VRK1: variants seen among roughly 807,000 people sequenced by gnomAD.
The protein encoded by VRK1 is VRK serine/threonine kinase 1.
A neutral mutation model predicts 57.1 loss-of-function variants in VRK1; 33 were observed. The observed-to-expected ratio is 0.58, with a 90% CI of 0.44 to 0.77. VRK1 has a LOEUF of 0.77. Ranked by LOEUF, VRK1 falls within the 30% of genes least tolerant of loss-of-function variation. The pLI, the probability that VRK1 is intolerant of heterozygous loss-of-function variation, is 0.00. For missense variants in VRK1, 413 were observed against 477.3 expected, an observed-to-expected ratio of 0.87 and a Z score of 1.25; for synonymous variants, 137 against 147.8, an observed-to-expected ratio of 0.93 and a Z score of 0.53.
intron 1 of VRK1, among the ~76,000 whole-genome samples, chr14:96,811,755 A>G (rs78470823): frequency 7.1e-6 from 1 of 140,672 alleles, no homozygotes; most frequent in African/African-American, 2.7e-5. Context: ...TTGCTATCAC[A>G]TTTTCCCTCT....
chr14:96,798,694 C>T (rs1301429680), intron 1 of VRK1, among the ~76,000 whole-genome samples: 1 of 152,054 alleles, frequency 6.6e-6, no homozygotes, highest in African/African-American at 2.4e-5. Context: ...TTATGACATG[C>T]TGAGCATGAT....
chr14:96,853,174 T>C lies in VRK1; in HGVS notation c.576+8T>C, dbSNP rs368495945. The stretch of plus-strand genomic sequence containing the variant: ...TACAAGAATCCTGACCAGGTAGTTT[T>C]ATAACTTTAATTTCTACTATTTAAA... On this transcript the variant is annotated splice_region_variant and intron_variant, in intron 7 of 12. Transcript: ENST00000216639. The C allele has an allele frequency of 8.7e-5, 140 of 1,609,976 alleles. No individual in the cohort carries two copies. The highest frequency in any genetic ancestry group is 8.3e-4 in the Middle Eastern group (5 of 6,052).
chr14:96,830,305 T>G (rs1886953673), intron 1 of VRK1, among the ~76,000 whole-genome samples: 1 of 152,148 alleles, frequency 6.6e-6, no homozygotes, highest in Non-Finnish European at 1.5e-5. Flanking sequence ...GTTCCCTTGC[T>G]TTGATTTTCT....
intron 11 of VRK1, 65 bp downstream of exon 11, chr14:96,860,800 G>T: frequency 6.4e-7 from 1 of 1,553,974 alleles, no homozygotes; most frequent in Non-Finnish European, 8.8e-7. Context: ...AATACTAAAA[G>T]AAAGTATAGC....
chr14:96,847,402 T>C, intron 5 of VRK1, 58 bp downstream of exon 5: 16 of 1,418,696 alleles, frequency 1.1e-5, no homozygotes, highest in Non-Finnish European at 1.6e-5. Flanking sequence ...ACTATTTAGT[T>C]GGTTTAGTCA....
In VRK1 at chr14:96,881,061, A is replaced by C. The variant is rs986652306; in HGVS notation, c.1160-116A>C. On this transcript the variant is annotated intron_variant, in intron 12 of 12. Coordinates refer to ENST00000216639, the MANE Select transcript of VRK1 (RefSeq NM_003384.3). ...GTCAGTTTTATCTTTGCAAATCACG[A>C]GAGTCGATTTGATTTTAAAATGTTA... The C allele has an allele frequency of 3.7e-5, 34 of 908,826 alleles. No homozygotes were observed. The African/African-American group carries it at 4.9e-4, about 13-fold the overall frequency. The allele number at this position is 908,826 out of a possible 1,614,324, so 56.3% of individuals were successfully genotyped here.
At chr14:96,861,190 G>T (rs546889055) in intron 11 of VRK1, among the ~76,000 whole-genome samples, 1 of 152,152 alleles carries the variant, frequency 6.6e-6, no homozygotes, top group Admixed American at 6.6e-5. Flanking sequence ...ACATTATTTT[G>T]CTCTGTGAAG....
At chr14:96,835,048 CA>C (rs1163352963) in intron 2 of VRK1, among the ~76,000 whole-genome samples, 2 of 152,132 alleles carry the variant, frequency 1.3e-5, no homozygotes, top group Non-Finnish European at 2.9e-5. Context: ...TATTTATCAT[CA>C]AAAGGTGCCA....
intron 1 of VRK1, among the ~76,000 whole-genome samples, chr14:96,815,632 C>T (rs1310704886): frequency 1.3e-5 from 2 of 151,656 alleles, no homozygotes; most frequent in Admixed American, 6.6e-5. Context: ...GCCTGTAATC[C>T]CAACACTTTG....
intron 11 of VRK1, among the ~76,000 whole-genome samples, chr14:96,866,958 A>G (rs749168523): frequency 6.6e-6 from 1 of 152,190 alleles, no homozygotes; most frequent in Non-Finnish European, 1.5e-5. Context: ...TATGTGTGTG[A>G]ACATTTAATT....
intron 1 of VRK1, among the ~76,000 whole-genome samples, chr14:96,828,651 A>G (rs1315411201): frequency 2.0e-5 from 3 of 151,138 alleles, no homozygotes; most frequent in African/African-American, 7.3e-5. Context: ...TCAGCAGCAC[A>G]CTAAAAAAAT....
chr14:96,810,313 G>T (rs1304028573), intron 1 of VRK1, among the ~76,000 whole-genome samples: 3 of 152,164 alleles, frequency 2.0e-5, no homozygotes, highest in African/African-American at 7.2e-5. Flanking sequence ...CTGAAATTCT[G>T]AATTTTAATC....
chr14:96,836,455 T>G (rs1261185760), intron 2 of VRK1, among the ~76,000 whole-genome samples: 1 of 152,048 alleles, frequency 6.6e-6, no homozygotes, highest in Non-Finnish European at 1.5e-5. Flanking sequence ...GCCTCACTGT[T>G]TCCCCCAGCT....
intron 1 of VRK1, among the ~76,000 whole-genome samples, chr14:96,810,842 C>T (rs2139694806): frequency 6.6e-6 from 1 of 152,164 alleles, no homozygotes; most frequent in South Asian, 2.1e-4. Context: ...TTATGTTGTT[C>T]CCAGTTCGAA....
At position 96,847,239 on chromosome 14, in the gene VRK1, A is replaced by G. The variant is rs932227107; in HGVS notation, c.287-18A>G. On this transcript the variant is annotated intron_variant, in intron 4 of 12. Transcript: ENST00000216639. ...ATGTATAACAATTGAAATCACAAAG[A>G]TCTGTTTTAATTTGTAGTTCAGAAA... The G allele has an allele frequency of 6.2e-7, 1 of 1,603,412 alleles. No homozygotes were observed. Among genetic ancestry groups the G allele is most frequent in the East Asian group, 2.2e-5 (1 of 44,744 alleles).
chr14:96,813,786 A>T (rs1190453674), intron 1 of VRK1, among the ~76,000 whole-genome samples: 1 of 152,160 alleles, frequency 6.6e-6, no homozygotes, highest in African/African-American at 2.4e-5. Flanking sequence ...TGTTTTGCAC[A>T]TGATTTATTC....
intron 1 of VRK1, among the ~76,000 whole-genome samples, chr14:96,806,803 TC>T (rs762385764): frequency 6.6e-6 from 1 of 152,082 alleles, no homozygotes; most frequent in Non-Finnish European, 1.5e-5. Flanking sequence ...CACTCTCACT[TC>T]CCATCATTCC....
At chr14:96,846,873 G>T (rs1172364066) in intron 4 of VRK1, among the ~76,000 whole-genome samples, 2 of 151,930 alleles carry the variant, frequency 1.3e-5, no homozygotes, top group Non-Finnish European at 2.9e-5. Context: ...ATGTGTGGAG[G>T]TTATATGCAG....
At chr14:96,849,170 T>C (rs2139786941) in intron 5 of VRK1, among the ~76,000 whole-genome samples, 1 of 152,228 alleles carries the variant, frequency 6.6e-6, no homozygotes, top group South Asian at 2.1e-4. Context: ...TGAGGTGACA[T>C]GGTGGTGAAA....
Sources: allele counts gnomAD v4.1 joint callset (sites outside exome capture counted in the v4.1 genomes callset), GRCh38; gene constraint gnomAD v4.1.1; transcripts MANE v1.5; gene names NCBI Gene and HGNC (gene_info 2026-07-23, HGNC 2026-07-21).